Variants in BBS7 observed in about 807,000 individuals in gnomAD.
BBS7 encodes BBSome complex member BBS7.
In BBS7, 50 loss-of-function variants were observed where a neutral mutation model predicts 90.3. The ratio of observed to expected loss-of-function variants is 0.55; its 90% confidence interval spans 0.44 to 0.70. The LOEUF (loss-of-function observed/expected upper bound fraction) is 0.70. Ranked by LOEUF, BBS7 falls within the 30% of genes least tolerant of loss-of-function variation. The probability of loss-of-function intolerance (pLI) is 0.00; values close to 1 mark genes in which losing one functional copy is unlikely to be tolerated. For synonymous variants in BBS7, 235 were observed against 287.4 expected (o/e 0.82, Z 1.85); for missense variants, 729 against 838.9 (o/e 0.87, Z 1.62).
chr4:121,865,943 T>C (rs1210834476), intron 2 of BBS7, among the ~76,000 whole-genome samples: 1 of 152,214 alleles, frequency 6.6e-6, no homozygotes, highest in Non-Finnish European at 1.5e-5. Flanking sequence ...TACTTCATTG[T>C]GGTTTGATTT....
At chr4:121,861,126 C>T (rs1158568665) in intron 4 of BBS7, among the ~76,000 whole-genome samples, 2 of 152,092 alleles carry the variant, frequency 1.3e-5, no homozygotes, top group Non-Finnish European at 2.9e-5. Context: ...AAATTATACC[C>T]TATTGGTAAT....
At chr4:121,848,821 T>C (rs1463337264) in intron 9 of BBS7, 23 bp downstream of exon 9, 1 of 1,586,990 alleles carries the variant, frequency 6.3e-7, no homozygotes, top group Non-Finnish European at 8.6e-7. Context: ...CTTTCTTCAA[T>C]TACCTATTAT....
At chr4:121,860,168 A>G (rs1295087530) in intron 4 of BBS7, among the ~76,000 whole-genome samples, 1 of 152,000 alleles carries the variant, frequency 6.6e-6, no homozygotes, top group African/African-American at 2.4e-5. Context: ...TAGTCCTCTT[A>G]CTATTTTTAT....
intron 4 of BBS7, 79 bp from the exon 5 acceptor site, chr4:121,859,257 A>T: frequency 2.4e-6 from 3 of 1,224,806 alleles, no homozygotes; most frequent in East Asian, 2.4e-5. Context: ...AGAAAAATGT[A>T]TACAGTTTAC....
chr4:121,853,097 A>C lies in BBS7; in HGVS notation c.719-11T>G. The C allele has an allele frequency of 6.2e-7, 1 of 1,612,072 alleles. No homozygotes were observed. The highest frequency in any genetic ancestry group is 8.5e-7 in the Non-Finnish European group (1 of 1,178,256). On this transcript the variant is annotated splice_polypyrimidine_tract_variant and intron_variant, in intron 7 of 18. Coordinates refer to ENST00000264499, the MANE Select transcript of BBS7 (RefSeq NM_176824.3). ...CAATACACAAAATACCTTTAAAAAG[A>C]GATATGTGATAAGTTATTAAGAAGA...
chr4:121,861,421 A>C (rs1389956757), intron 4 of BBS7, 83 bp downstream of exon 4: 1 of 1,284,580 alleles, frequency 7.8e-7, no homozygotes, highest in Non-Finnish European at 1.1e-6. Flanking sequence ...AAGCCTATTA[A>C]GATATGATAC....
At chr4:121,844,109 T>C in intron 11 of BBS7, 108 bp from the exon 12 acceptor site, 1 of 693,882 alleles carries the variant, frequency 1.4e-6, no homozygotes, top group Non-Finnish European at 2.5e-6. Context: ...TATTCATCTT[T>C]AAATTTGAGA....
At position 121,870,322 on chromosome 4, in the gene BBS7, C is replaced by T; in HGVS notation, c.-9G>A. The T allele has an allele frequency of 1.2e-6, 2 of 1,614,158 alleles. No homozygotes were observed. Among genetic ancestry groups the T allele is most frequent in the Non-Finnish European group, 1.7e-6 (2 of 1,179,996 alleles). On this transcript the variant is annotated 5_prime_UTR_variant, in exon 1 of 19. Transcript: ENST00000264499. ...TTTAAAATCAGATCCATGATGACTA[C>T]GCGGAGGGGCTAAGCAGCGCCGGAC...
chr4:121,859,084 T>C lies in BBS7; in HGVS notation c.436A>G (p.Lys146Glu), dbSNP rs778229076. 5 of 1,613,834 alleles carry C rather than the reference T, an allele frequency of 3.1e-6. No individual in the cohort carries two copies. In the African/African-American group the frequency reaches 4.0e-5, roughly 13 times the overall value. ...KDQHYYLSGD[K>E]INDVICLPVE... The stretch of plus-strand genomic sequence containing the variant: ...GGAAGGCAGATCACATCATTGATTT[T>C]ATCCCCAGAAAGGTAATAATGTTGG... The change falls in exon 5 of 19, where the codon AAA becomes GAA. Residue 146 changes from lysine (K) to glutamate (E), a missense_variant. Lys to Glu is a moderately conservative substitution (Grantham distance 56). Transcript: ENST00000264499.
chr4:121,866,329 C>A (rs979833376), intron 2 of BBS7, among the ~76,000 whole-genome samples: 11 of 151,792 alleles, frequency 7.2e-5, no homozygotes, highest in African/African-American at 2.2e-4. Flanking sequence ...ACATTTAGGT[C>A]TTTTTTTGTT....
intron 3 of BBS7, 108 bp from the exon 4 acceptor site, chr4:121,861,787 C>G: frequency 6.8e-6 from 7 of 1,028,068 alleles, no homozygotes; most frequent in Non-Finnish European, 1.0e-5. Context: ...TATTATAGTT[C>G]CACTATATAG....
chr4:121,849,110 T>A (rs1442476756), intron 8 of BBS7, among the ~76,000 whole-genome samples, 182 bp from the exon 9 acceptor site: 1 of 152,244 alleles, frequency 6.6e-6, no homozygotes, highest in Non-Finnish European at 1.5e-5. Flanking sequence ...AACTTCAGTG[T>A]TTTTAAATTT....
At chr4:121,863,195 C>T in intron 3 of BBS7, 22 bp downstream of exon 3, 1 of 1,610,188 alleles carries the variant, frequency 6.2e-7, no homozygotes, top group Non-Finnish European at 8.5e-7. Flanking sequence ...ACCATTTTTC[C>T]CCTTCACAAA....
chr4:121,828,275 T>A lies in BBS7; in HGVS notation c.1891-6A>T. ...CCCTCATGAATCTGTAATTCCTATT[T>A]AAAATGAAAAACAGAAGCACCTTAA... On this transcript the variant is annotated splice_polypyrimidine_tract_variant and splice_region_variant and intron_variant, in intron 17 of 18. Coordinates refer to ENST00000264499, the MANE Select transcript of BBS7 (RefSeq NM_176824.3). 1 of 1,611,606 alleles carries A rather than the reference T, an allele frequency of 6.2e-7. No homozygotes were observed. The highest frequency in any genetic ancestry group is 1.3e-5 in the African/African-American group (1 of 74,984).
intron 12 of BBS7, among the ~76,000 whole-genome samples, 185 bp downstream of exon 12, chr4:121,843,742 A>T (rs1333347969): frequency 1.3e-5 from 2 of 152,218 alleles, no homozygotes; most frequent in Admixed American, 6.5e-5. Context: ...GAAAAGAAGG[A>T]ATCTAGGACA....
At chr4:121,839,837 C>T (rs1158047651) in intron 12 of BBS7, 141 bp from the exon 13 acceptor site, 3 of 711,794 alleles carry the variant, frequency 4.2e-6, no homozygotes, top group Non-Finnish European at 2.4e-6. Flanking sequence ...TTCTAACTTA[C>T]ACTTACAAAA....
Position 121,825,073 on chromosome 4 carries a change from A to C in BBS7, c.*787T>G, listed in dbSNP as rs1431347551. On this transcript the variant is annotated 3_prime_UTR_variant, in exon 19 of 19. Coordinates refer to ENST00000264499, the MANE Select transcript of BBS7 (RefSeq NM_176824.3). ...TCTAAGATGGCATCACTATTTCTGCACTCTTCACTTGAAGCACGCTGAATA... is the reference window on the plus strand; with the variant it reads ...TCTAAGATGGCATCACTATTTCTGCCCTCTTCACTTGAAGCACGCTGAATA... 6.6e-6 allele frequency: 1 copy of C among 152,156 alleles called. No individual in the cohort carries two copies. The highest frequency in any genetic ancestry group is 1.5e-5 in the Non-Finnish European group (1 of 68,028). The allele number at this position is 152,156 out of a possible 1,614,324, so 9.4% of individuals were successfully genotyped here. A position where few individuals can be genotyped will look rare whatever the true frequency, so the allele number is the denominator to read the frequency against.
chr4:121,828,781 G>T, intron 15 of BBS7, 53 bp from the exon 16 acceptor site: 2 of 1,056,864 alleles, frequency 1.9e-6, no homozygotes, highest in Non-Finnish European at 2.8e-6. Flanking sequence ...AAATTGTCCA[G>T]TACATATATA....
intron 18 of BBS7, chr4:121,827,770 G>A (rs1319892954): frequency 1.1e-6 from 1 of 933,560 alleles, no homozygotes; most frequent in African/African-American, 1.8e-5. Flanking sequence ...AATTTTAAAT[G>A]CTGCATTTTT....
Sources: allele counts gnomAD v4.1 joint callset (sites outside exome capture counted in the v4.1 genomes callset), GRCh38; gene constraint gnomAD v4.1.1; transcripts MANE v1.5; gene names NCBI Gene and HGNC (gene_info 2026-07-23, HGNC 2026-07-21).